Variants in ARHGAP11B observed in about 807,000 individuals in gnomAD.
The protein encoded by ARHGAP11B is Rho GTPase activating protein 11B.
In ARHGAP11B, 14 loss-of-function variants were observed where a neutral mutation model predicts 27.6. The ratio of observed to expected loss-of-function variants is 0.51; its 90% CI spans 0.34 to 0.79. The LOEUF (loss-of-function observed/expected upper bound fraction) is 0.79, where lower values mean the gene tolerates loss of function less well. Ranked by LOEUF, ARHGAP11B falls within the 30% of genes least tolerant of loss-of-function variation. ARHGAP11B has a pLI of 0.02. For synonymous variants in ARHGAP11B, 82 were observed against 114.1 expected (o/e 0.72, Z 1.80); for missense variants, 245 against 320.1 (o/e 0.77, Z 1.79).
intron 7 of ARHGAP11B, among the ~76,000 whole-genome samples, chr15:30,642,081 A>G (rs554086002): frequency 1.9e-4 from 29 of 152,166 alleles, no homozygotes; most frequent in African/African-American, 6.7e-4. Context: ...CTTTAGATGT[A>G]TAATATTGGC....
exon 4 of ARHGAP11B, chr15:30,634,378 A>C: frequency 6.2e-7 from 1 of 1,613,348 alleles, no homozygotes. Context: ...CACACAGTTC[A>C]TGTATTAAGA....
chr15:30,628,282 T>C (rs10162798), intron 1 of ARHGAP11B, among the ~76,000 whole-genome samples: 38,207 of 151,110 alleles, frequency 0.25, 5,128 homozygotes, highest in Middle Eastern at 0.35. Context: ...GGGGTTTCAC[T>C]GTGTTAGCCA....
At chr15:30,630,758 A>G (rs767368903) in exon 2 of ARHGAP11B, 7 of 1,611,224 alleles carry the variant, frequency 4.3e-6, no homozygotes, top group Non-Finnish European at 5.9e-6. Flanking sequence ...GTACCAGAAT[A>G]TGGACACATT....
Position 30,633,558 on chromosome 15 carries a change from G to A in ARHGAP11B, c.269G>A (p.Gly90Glu), listed in dbSNP as rs771768067. ...ACCGAAGGGCTTTTTCGGAAATCAG[G>A]ATCTGTGATTCGCCTAAAAGCACTA... The change falls in exon 3 of 11, where the codon GGA (glycine) becomes GAA (glutamate). Residue 90 changes from glycine to glutamate, a missense_variant. Transcript: ENST00000428041. The A allele has an allele frequency of 5.0e-6, 8 of 1,612,974 alleles. No homozygotes were observed. The African/African-American group carries it at 1.1e-4, about 22-fold the overall frequency.
rs184463392 is a variant in ARHGAP11B, at chr15:30,644,277, T to C, written c.*79-362T>C. 8.3e-4 allele frequency among the ~76,000 whole-genome samples: 126 copies of C among 152,184 alleles called. 1 individual carries two copies. Among genetic ancestry groups the C allele is most frequent in the East Asian group, 5.6e-3 (29 of 5,164 alleles). ...GAAAATAGGATTGTGTCTTTTATAT[T>C]TTTGTATCCCCCTTAGCACTTGGCA... On this transcript the variant is annotated intron_variant, in intron 7 of 10. Transcript: ENST00000428041.
chr15:30,639,984 G>A (rs2060305476), intron 7 of ARHGAP11B, among the ~76,000 whole-genome samples: 1 of 148,486 alleles, frequency 6.7e-6, no homozygotes, highest in Non-Finnish European at 1.5e-5. Context: ...GTGTGTGTGT[G>A]TGTGTGTGTG....
rs149507904 is a variant in ARHGAP11B at position 30,633,366 on chromosome 15, A to T, written c.201-124A>T. On this transcript the variant is annotated intron_variant, in intron 2 of 10. Coordinates refer to ENST00000428041, the Ensembl canonical transcript of ARHGAP11B. ...CTAAAAGTAACATTTCATCTCAAAG[A>T]CTACAGAGATTTGTGGCTTTAGAGC... 5.3e-3 allele frequency: 3,733 copies of T among 708,220 alleles called. 114 individuals carry two copies. The African/African-American group carries it at 0.062, about 12-fold the overall frequency. The allele number at this position is 708,220 out of a possible 1,614,324, so 43.9% of individuals were successfully genotyped here.
At chr15:30,637,505 T>C in intron 6 of ARHGAP11B, among the ~76,000 whole-genome samples, 1 of 152,064 alleles carries the variant, frequency 6.6e-6, no homozygotes, top group Non-Finnish European at 1.5e-5. Context: ...GAGACCAAGG[T>C]GGGCGGATCA....
At chr15:30,634,564 C>T in intron 4 of ARHGAP11B, 141 bp downstream of exon 4, 1 of 1,421,430 alleles carries the variant, frequency 7.0e-7, no homozygotes, top group Non-Finnish European at 9.4e-7. Context: ...GGAGTATACT[C>T]TAATTTAAGA....
chr15:30,630,649 A>G (rs2060238826), intron 1 of ARHGAP11B, 54 bp from the exon 2 acceptor site: 5 of 1,555,848 alleles, frequency 3.2e-6, no homozygotes, highest in Non-Finnish European at 4.3e-6. Flanking sequence ...AAGTTTAAGA[A>G]AACTGATATT....
At chr15:30,629,368 C>T (rs967735099) in intron 1 of ARHGAP11B, among the ~76,000 whole-genome samples, 7 of 151,824 alleles carry the variant, frequency 4.6e-5, no homozygotes, top group Non-Finnish European at 7.4e-5. Context: ...ACGGTGAACC[C>T]CCCCCGCCCC....
Position 30,634,155 on chromosome 15 carries a change from TTA to T in ARHGAP11B, c.298-11_298-10del. 6.2e-7 allele frequency: 1 copy of T among 1,606,492 alleles called. No homozygotes were observed. The highest frequency in any genetic ancestry group is 1.1e-5 in the South Asian group (1 of 90,238). On this transcript the variant is annotated splice_polypyrimidine_tract_variant and intron_variant, in intron 3 of 10. Coordinates refer to ENST00000428041, the Ensembl canonical transcript of ARHGAP11B. ...TAAGTTGCCAAAATACTCAAGATTA[TTA>T]TATTTATTTCAGAATAAAGTGGATC...
rs910243223 is a variant in ARHGAP11B at position 30,627,083 on chromosome 15, A to G, written c.129+134A>G. On this transcript the variant is annotated intron_variant, in intron 1 of 10. Transcript: ENST00000428041. ...TTAGGTGTGTAATTCAGTTCAGATG[A>G]TCGATTGCTGATATTTAAAAAGTGA... The G allele has an allele frequency of 2.7e-5, 36 of 1,311,024 alleles. No individual in the cohort carries two copies. The African/African-American group carries it at 3.0e-4, about 11-fold the overall frequency. The allele number at this position is 1,311,024 out of a possible 1,614,324, so 81.2% of individuals were successfully genotyped here.
chr15:30,630,984 A>G (rs2060241833), intron 2 of ARHGAP11B, among the ~76,000 whole-genome samples: 1 of 151,852 alleles, frequency 6.6e-6, no homozygotes, highest in African/African-American at 2.4e-5. Context: ...GGGTGGGAGG[A>G]TTGCTTGAGC....
intron 6 of ARHGAP11B, among the ~76,000 whole-genome samples, chr15:30,638,006 A>G (rs2060292285): frequency 6.6e-6 from 1 of 151,358 alleles, no homozygotes; most frequent in Non-Finnish European, 1.5e-5. Context: ...ATGTAGTAGA[A>G]AGGGGGTTTC....
At chr15:30,640,890 A>C (rs1327354128) in intron 7 of ARHGAP11B, among the ~76,000 whole-genome samples, 1 of 151,834 alleles carries the variant, frequency 6.6e-6, no homozygotes, top group Non-Finnish European at 1.5e-5. Context: ...TTTTTTAAGT[A>C]ACATAGTTCA....
chr15:30,648,860 A>G (rs2060368654), exon 11 of ARHGAP11B: 1 of 152,062 alleles, frequency 6.6e-6, no homozygotes, highest in South Asian at 2.1e-4. Context: ...AATTCTTATT[A>G]TACATCTTGT....
intron 7 of ARHGAP11B, among the ~76,000 whole-genome samples, chr15:30,641,875 C>G (rs1371154464): frequency 6.6e-6 from 1 of 151,664 alleles, no homozygotes; most frequent in Non-Finnish European, 1.5e-5. Flanking sequence ...CACCACCACA[C>G]CCAGCTAATT....
At position 30,633,483 on chromosome 15, in the gene ARHGAP11B, C is replaced by T. The variant is rs768646290; in HGVS notation, c.201-7C>T. The T allele has an allele frequency of 1.9e-6, 3 of 1,607,506 alleles. No individual in the cohort carries two copies. Among genetic ancestry groups the T allele is most frequent in the East Asian group, 2.2e-5 (1 of 44,748 alleles). ...TGTCTAGCCACCTGAAAAAATCTCT[C>T]TTTCAGCTTTCTTGTCGATGCTTGC... On this transcript the variant is annotated splice_region_variant and splice_polypyrimidine_tract_variant and intron_variant, in intron 2 of 10. Transcript: ENST00000428041.
Sources: allele counts gnomAD v4.1 joint callset (sites outside exome capture counted in the v4.1 genomes callset), GRCh38; gene constraint gnomAD v4.1.1; transcripts MANE v1.5; gene names NCBI Gene and HGNC (gene_info 2026-07-23, HGNC 2026-07-21).